The following AFAP1 variants were observed in gnomAD, a reference collection of about 807,000 sequenced individuals.
AFAP1 encodes the protein actin filament-associated protein 1.
AFAP1 carries 75 observed loss-of-function variants against 93.9 expected under a neutral mutation model. The ratio of observed to expected loss-of-function variants is 0.80; its 90% confidence interval spans 0.66 to 0.97. AFAP1 has a LOEUF of 0.97. Ranked by LOEUF, AFAP1 falls within the 50% of genes least tolerant of loss-of-function variation. AFAP1 has a pLI of 0.00. For synonymous variants in AFAP1, 517 were observed against 430.7 expected, an observed-to-expected ratio of 1.20 and a Z score of -2.48; for missense variants, 1,201 against 1,050.8, an observed-to-expected ratio of 1.14 and a Z score of -1.98.
chr4:7,860,616 C>G (rs533986792), intron 3 of AFAP1, among the ~76,000 whole-genome samples: 1 of 152,130 alleles, frequency 6.6e-6, no homozygotes, highest in Non-Finnish European at 1.5e-5. Flanking sequence ...AAAGACACTG[C>G]CCGGGGCTGG....
chr4:7,854,075 C>A (rs1472535138), intron 4 of AFAP1, among the ~76,000 whole-genome samples: 1 of 152,180 alleles, frequency 6.6e-6, no homozygotes, highest in South Asian at 2.1e-4. Flanking sequence ...GGGCCAGAGA[C>A]AAACGTTCCA....
intron 1 of AFAP1, among the ~76,000 whole-genome samples, chr4:7,925,925 A>G (rs1165999637): frequency 6.6e-6 from 1 of 152,192 alleles, no homozygotes; most frequent in Non-Finnish European, 1.5e-5. Flanking sequence ...CTCTATCTTC[A>G]TCTTTAATAA....
Position 7,939,424 on chromosome 4 carries a change from G to T in AFAP1, c.-3+232C>A, listed in dbSNP as rs887931376. 1 of 303,614 alleles carries T rather than the reference G, an allele frequency of 3.3e-6. No homozygotes were observed. The highest frequency in any genetic ancestry group is 2.5e-5 in the South Asian group (1 of 40,642). The allele number at this position is 303,614 out of a possible 1,614,324, so 18.8% of individuals were successfully genotyped here. On this transcript the variant is annotated intron_variant, in intron 1 of 17. Transcript: ENST00000420658. This position sits in a 1 kb window ranked among gnomAD's most constrained non-coding sequence, Gnocchi z 5.6. ...TCCACGCAGTCCCCTCCGGGCAGAC[G>T]CGGGGAGCTGGGGAGCAGTGGGGAC...
chr4:7,917,175 A>C (rs1190319652), intron 1 of AFAP1, among the ~76,000 whole-genome samples: 1 of 152,206 alleles, frequency 6.6e-6, no homozygotes, highest in Non-Finnish European at 1.5e-5. Context: ...AGACCCTGTC[A>C]CATGGTAAAT....
intron 13 of AFAP1, 72 bp downstream of exon 13, chr4:7,781,304 A>G: frequency 6.6e-7 from 1 of 1,510,314 alleles, no homozygotes; most frequent in East Asian, 2.5e-5. Flanking sequence ...CATTTACTAC[A>G]AGTTGCAAAA....
At chr4:7,892,148 G>A (rs1718508541) in intron 1 of AFAP1, among the ~76,000 whole-genome samples, 2 of 152,234 alleles carry the variant, frequency 1.3e-5, no homozygotes, top group Non-Finnish European at 1.5e-5. Flanking sequence ...GGCTAGGAAG[G>A]TCAGGAGCAA....
chr4:7,841,359 CCTCTT>C (rs1712992625), intron 5 of AFAP1, among the ~76,000 whole-genome samples: 1 of 152,198 alleles, frequency 6.6e-6, no homozygotes, highest in Non-Finnish European at 1.5e-5. Flanking sequence ...GCTCTAGGCC[CCTCTT>C]CAATGCAGAC....
intron 1 of AFAP1, among the ~76,000 whole-genome samples, chr4:7,912,275 T>G (rs1403386630): frequency 6.6e-6 from 1 of 152,174 alleles, no homozygotes; most frequent in Admixed American, 6.5e-5. Context: ...ACATATGGCT[T>G]TTGTGTGAAG....
chr4:7,897,887 C>T (rs1718882308), intron 1 of AFAP1, among the ~76,000 whole-genome samples: 1 of 152,130 alleles, frequency 6.6e-6, no homozygotes, highest in Non-Finnish European at 1.5e-5. Flanking sequence ...GCCCAAAACG[C>T]ACTTTTGATT....
At chr4:7,805,216 G>T (rs1719397320) in intron 9 of AFAP1, among the ~76,000 whole-genome samples, 1 of 152,156 alleles carries the variant, frequency 6.6e-6, no homozygotes, top group Non-Finnish European at 1.5e-5. Context: ...TACTTTTCGT[G>T]GAGGTGGATT....
chr4:7,773,072 A>C, intron 15 of AFAP1, 62 bp from the exon 16 acceptor site: 3 of 1,542,932 alleles, frequency 1.9e-6, no homozygotes, highest in Non-Finnish European at 1.7e-6. Flanking sequence ...ACAACAGAGA[A>C]GGCACCTGGT....
At chr4:7,880,988 A>T (rs1717808974) in intron 1 of AFAP1, among the ~76,000 whole-genome samples, 1 of 151,896 alleles carries the variant, frequency 6.6e-6, no homozygotes, top group South Asian at 2.1e-4. Flanking sequence ...CCTGAATTAC[A>T]CTCAAGGGCC....
chr4:7,889,885 T>A (rs1297840178), intron 1 of AFAP1, among the ~76,000 whole-genome samples: 3 of 148,666 alleles, frequency 2.0e-5, no homozygotes, highest in African/African-American at 7.4e-5. Context: ...GGGAGGACCA[T>A]AAATAAAAAG....
rs60126839 is a variant in AFAP1 at position 7,802,639 on chromosome 4, C to CTT, written c.1055-1988_1055-1987dup. 5.3e-3 allele frequency among the ~76,000 whole-genome samples: 679 copies of CTT among 127,880 alleles called. 9 individuals are homozygous for CTT. The highest frequency in any genetic ancestry group is 0.014 in the African/African-American group (494 of 34,390). The allele number at this position is 127,880 out of a possible 152,430, so 83.9% of individuals were successfully genotyped here. A position where few individuals can be genotyped will look rare whatever the true frequency, so the allele number is the denominator to read the frequency against. On this transcript the variant is annotated intron_variant, in intron 9 of 17. Transcript: ENST00000420658. ...ATGATGTAGTTCCAATACATTTATT[C>CTT]TTTTTTTTTTTTTTTTTTTGAGACA...
At chr4:7,790,241 A>G (rs1433427289) in intron 11 of AFAP1, among the ~76,000 whole-genome samples, 1 of 152,234 alleles carries the variant, frequency 6.6e-6, no homozygotes, top group Non-Finnish European at 1.5e-5. Context: ...GTTTGGCTAG[A>G]AAACTTGAAA....
At chr4:7,796,426 G>A (rs999363453) in intron 10 of AFAP1, among the ~76,000 whole-genome samples, 17 of 152,126 alleles carry the variant, frequency 1.1e-4, no homozygotes. Flanking sequence ...AATAAGTCAC[G>A]ACAGTAAAGG....
intron 1 of AFAP1, among the ~76,000 whole-genome samples, chr4:7,874,530 ATTTTTTT>A (rs71175435): frequency 7.8e-4 from 40 of 51,508 alleles, no homozygotes; most frequent in African/African-American, 2.4e-3. Context: ...TGCCCAGCTA[ATTTTTTT>A]TTTTTTTTTT....
At chr4:7,813,816 A>T (rs556600537) in intron 8 of AFAP1, among the ~76,000 whole-genome samples, 3 of 152,188 alleles carry the variant, frequency 2.0e-5, no homozygotes, top group Non-Finnish European at 2.9e-5. Flanking sequence ...CTGTAATGTC[A>T]TAACAGTCCA....
chr4:7,921,119 G>A (rs544911645), intron 1 of AFAP1, among the ~76,000 whole-genome samples: 1 of 150,860 alleles, frequency 6.6e-6, no homozygotes, highest in Non-Finnish European at 1.5e-5. Context: ...TATGAGACCA[G>A]GTAGATGACC....
Sources: allele counts gnomAD v4.1 joint callset (sites outside exome capture counted in the v4.1 genomes callset), GRCh38; gene constraint gnomAD v4.1.1; non-coding constraint Gnocchi (gnomAD v3.1); transcripts MANE v1.5; gene names NCBI Gene and HGNC (gene_info 2026-07-23, HGNC 2026-07-21).